The following ZFPM2 variants were observed in gnomAD, a reference collection of about 807,000 sequenced individuals.
The protein encoded by ZFPM2 is zinc finger protein ZFPM2.
A neutral mutation model predicts 98.6 loss-of-function variants in ZFPM2; 20 were observed. The ratio of observed to expected loss-of-function variants is 0.20; its 90% CI spans 0.14 to 0.29. The LOEUF is 0.29. Ranked by LOEUF, ZFPM2 falls within the 10% of genes least tolerant of loss-of-function variation. The pLI is 1.00. For synonymous variants in ZFPM2, 518 were observed against 502.7 expected, an observed-to-expected ratio of 1.03 and a Z score of -0.41; for missense variants, 1,310 against 1,388.6, an observed-to-expected ratio of 0.94 and a Z score of 0.90.
intron 4 of ZFPM2, among the ~76,000 whole-genome samples, chr8:105,564,145 C>T (rs540948467): frequency 6.6e-6 from 1 of 151,676 alleles, no homozygotes; most frequent in African/African-American, 2.4e-5. Context: ...GACTGTAAAG[C>T]TATTTTATGC....
chr8:105,731,896 A>G (rs1297213646), intron 5 of ZFPM2, among the ~76,000 whole-genome samples: 3 of 151,814 alleles, frequency 2.0e-5, no homozygotes, highest in African/African-American at 7.2e-5. Flanking sequence ...TGTTGCTTGT[A>G]TCTTCCTGCT....
rs146018727 is a variant in ZFPM2, at chr8:105,453,727, C to T, written c.301+9346C>T. On this transcript the variant is annotated intron_variant, in intron 3 of 7. Coordinates refer to ENST00000407775, the MANE Select transcript of ZFPM2 (RefSeq NM_012082.4). ...CCCCATCTCAGCTCACTGCAACCTC[C>T]GCCTCCTGGATTCAAGTGATTCTCT... Among the ~76,000 whole-genome samples, 1,428 of 151,940 alleles carry T rather than the reference C, an allele frequency of 9.4e-3. 23 individuals carry two copies. The highest frequency in any genetic ancestry group is 0.032 in the African/African-American group (1,326 of 41,428).
chr8:105,488,718 C>T (rs1479076330), intron 3 of ZFPM2, among the ~76,000 whole-genome samples: 5 of 152,008 alleles, frequency 3.3e-5, no homozygotes, highest in Non-Finnish European at 5.9e-5. Context: ...GAGCCGAGAT[C>T]GCACCACTGC....
intron 3 of ZFPM2, among the ~76,000 whole-genome samples, chr8:105,521,300 G>A (rs1432135984): frequency 1.3e-5 from 2 of 149,620 alleles, no homozygotes; most frequent in Non-Finnish European, 3.0e-5. Flanking sequence ...ACTCCTAAAA[G>A]CAGAAAACCA....
At chr8:105,786,069 A>AAAAC (rs1813408048) in intron 5 of ZFPM2, among the ~76,000 whole-genome samples, 1 of 148,844 alleles carries the variant, frequency 6.7e-6, no homozygotes, top group Admixed American at 6.7e-5. Flanking sequence ...AAAAAAAAAA[A>AAAAC]ATTAGCCAAG....
intron 1 of ZFPM2, among the ~76,000 whole-genome samples, chr8:105,380,481 G>A (rs1810824921): frequency 6.8e-6 from 1 of 146,324 alleles, no homozygotes; most frequent in African/African-American, 2.5e-5. Context: ...AGGACCCTAG[G>A]TGATCATAAT....
chr8:105,465,521 C>T (rs1412320598), intron 3 of ZFPM2, among the ~76,000 whole-genome samples: 1 of 151,648 alleles, frequency 6.6e-6, no homozygotes. Context: ...CCAACAAATA[C>T]TAAGATTAGA....
intron 5 of ZFPM2, among the ~76,000 whole-genome samples, chr8:105,704,000 G>A (rs144378630): frequency 6.6e-5 from 10 of 152,170 alleles, no homozygotes; most frequent in African/African-American, 2.2e-4. Context: ...TGGGCAAGCA[G>A]GTAATAAATC....
At chr8:105,470,776 T>C (rs1456607957) in intron 3 of ZFPM2, among the ~76,000 whole-genome samples, 1 of 148,566 alleles carries the variant, frequency 6.7e-6, no homozygotes, top group Non-Finnish European at 1.5e-5. Context: ...AGACTTCATC[T>C]AAAAAAAAAA....
At chr8:105,632,795 A>C (rs1242910595) in intron 4 of ZFPM2, among the ~76,000 whole-genome samples, 1 of 152,184 alleles carries the variant, frequency 6.6e-6, no homozygotes, top group African/African-American at 2.4e-5. Context: ...TTGAAAAATT[A>C]AGACTCCACG....
intron 3 of ZFPM2, among the ~76,000 whole-genome samples, chr8:105,503,928 C>T (rs1239460761): frequency 2.0e-5 from 3 of 152,180 alleles, no homozygotes; most frequent in Non-Finnish European, 4.4e-5. Flanking sequence ...ACTGCAGTCG[C>T]TGCTGGTATC....
chr8:105,344,673 A>G (rs1357674555), intron 1 of ZFPM2, among the ~76,000 whole-genome samples: 1 of 152,084 alleles, frequency 6.6e-6, no homozygotes, highest in African/African-American at 2.4e-5. Context: ...ATCTATATAT[A>G]CACATATATA....
At chr8:105,479,132 C>T (rs1366418096) in intron 3 of ZFPM2, among the ~76,000 whole-genome samples, 11 of 152,228 alleles carry the variant, frequency 7.2e-5, no homozygotes, top group African/African-American at 2.6e-4. Context: ...GGTAAAGTCT[C>T]TGATTTGTCT....
In ZFPM2 at chr8:105,798,655, A is replaced by G. The variant is rs1474525227; in HGVS notation, c.740-69A>G. 7.9e-6 allele frequency: 11 copies of G among 1,397,678 alleles called. No individual in the cohort carries two copies. In the South Asian group the frequency reaches 1.0e-4, roughly 13 times the overall value. The allele number at this position is 1,397,678 out of a possible 1,614,324, so 86.6% of individuals were successfully genotyped here. On this transcript the variant is annotated intron_variant, in intron 6 of 7. Coordinates refer to ENST00000407775, the MANE Select transcript of ZFPM2 (RefSeq NM_012082.4). ...CGGAGTCTGAGAAAAATTGAACTAA[A>G]TGCTGCTTTACCCACAGTTGGTTTC...
At chr8:105,523,541 TG>T (rs1421439211) in intron 3 of ZFPM2, among the ~76,000 whole-genome samples, 2 of 152,324 alleles carry the variant, frequency 1.3e-5, no homozygotes, top group South Asian at 4.1e-4. Context: ...ACTAAGGTTA[TG>T]CCTTTTTAGA....
At position 105,490,075 on chromosome 8, in the gene ZFPM2, C is replaced by T. The variant is rs753327113; in HGVS notation, c.301+45694C>T. 6.1e-4 allele frequency among the ~76,000 whole-genome samples: 93 copies of T among 151,970 alleles called. 1 individual carries two copies. In the East Asian group the frequency reaches 6.7e-3, roughly 11 times the overall value. ...CAGCCCGACCAACATGGTGAAACCC[C>T]GTCTCTACTAAAAATACAAAAATTA... On this transcript the variant is annotated intron_variant, in intron 3 of 7. Transcript: ENST00000407775.
intron 3 of ZFPM2, among the ~76,000 whole-genome samples, chr8:105,461,428 C>A (rs766969651): frequency 4.7e-4 from 72 of 152,184 alleles, no homozygotes; most frequent in Non-Finnish European, 8.1e-4. Context: ...ACTATTAAAT[C>A]TGTAGGATTC....
intron 5 of ZFPM2, among the ~76,000 whole-genome samples, chr8:105,679,971 A>G (rs1391718065): frequency 6.6e-6 from 1 of 152,180 alleles, no homozygotes; most frequent in Non-Finnish European, 1.5e-5. Context: ...TCAAAACTTG[A>G]TGCTGCAAGT....
At chr8:105,493,807 A>G (rs1467281484) in intron 3 of ZFPM2, among the ~76,000 whole-genome samples, 3 of 152,100 alleles carry the variant, frequency 2.0e-5, no homozygotes, top group Admixed American at 6.6e-5. Context: ...TGTTACAGCA[A>G]GCCTTATAAA....
Sources: gnomAD v4.1 joint callset for allele counts (sites outside exome capture counted in the v4.1 genomes callset) on GRCh38, gnomAD v4.1.1 for gene constraint, MANE v1.5 for transcripts, NCBI Gene and HGNC (gene_info 2026-07-23, HGNC 2026-07-21) for gene names.